Variants in UAP1 observed in about 807,000 individuals in gnomAD.
UAP1 encodes the protein UDP-N-acetylglucosamine pyrophosphorylase 1.
UAP1 carries 25 observed loss-of-function variants against 58.5 expected under a neutral mutation model. That is an observed-to-expected ratio of 0.43 (90% CI 0.31 to 0.60). UAP1 has a LOEUF of 0.60. UAP1 is among the 20% of genes least tolerant of loss of function. UAP1 has a pLI of 0.11. For synonymous variants in UAP1, 208 were observed against 213.0 expected (o/e 0.98, Z 0.21); for missense variants, 575 against 630.0 (o/e 0.91, Z 0.93).
At chr1:162,590,542 A>C in intron 8 of UAP1, 31 bp downstream of exon 8, 2 of 1,545,958 alleles carry the variant, frequency 1.3e-6, no homozygotes, top group East Asian at 2.3e-5. Context: ...TTTTGTATGA[A>C]TCCTTTCTTG....
chr1:162,563,341 T>C (rs548970685), intron 1 of UAP1, among the ~76,000 whole-genome samples: 1 of 152,286 alleles, frequency 6.6e-6, no homozygotes, highest in South Asian at 2.1e-4. Context: ...TATCAAAGTT[T>C]AACCTATGAG....
At chr1:162,575,628 C>T (rs540237626) in intron 2 of UAP1, among the ~76,000 whole-genome samples, 8 of 151,098 alleles carry the variant, frequency 5.3e-5, no homozygotes, top group South Asian at 4.2e-4. Context: ...GATGGAGTTT[C>T]GCCATGTTGG....
At chr1:162,567,375 A>G (rs955299963) in intron 2 of UAP1, among the ~76,000 whole-genome samples, 34 of 152,246 alleles carry the variant, frequency 2.2e-4, no homozygotes, top group African/African-American at 7.5e-4. Flanking sequence ...TTTTATAGTT[A>G]TAAGTTGATC....
intron 1 of UAP1, among the ~76,000 whole-genome samples, chr1:162,565,207 G>T (rs565172795): frequency 6.6e-6 from 1 of 152,218 alleles, no homozygotes; most frequent in East Asian, 1.9e-4. Flanking sequence ...GCCTGTTTGT[G>T]AACTTTCTAG....
chr1:162,599,426 G>C (rs1655809017), exon 11 of UAP1: 10 of 1,047,078 alleles, frequency 9.6e-6, no homozygotes, highest in Non-Finnish European at 1.5e-5. Context: ...GACCAACTGT[G>C]AACCTACAAG....
intron 9 of UAP1, among the ~76,000 whole-genome samples, chr1:162,596,530 G>A (rs1017010521): frequency 6.6e-6 from 1 of 152,188 alleles, no homozygotes; most frequent in Non-Finnish European, 1.5e-5. Flanking sequence ...AAATGCAGTG[G>A]TCAAGAGAAG....
intron 2 of UAP1, among the ~76,000 whole-genome samples, chr1:162,570,700 G>A (rs1438710300): frequency 6.6e-6 from 1 of 152,132 alleles, no homozygotes; most frequent in Non-Finnish European, 1.5e-5. Flanking sequence ...GGGAAATATT[G>A]TAGTTTCTTT....
chr1:162,586,236 A>C (rs1010119061), intron 5 of UAP1, among the ~76,000 whole-genome samples: 9 of 152,248 alleles, frequency 5.9e-5, no homozygotes, highest in African/African-American at 2.2e-4. Context: ...CTTAGGATAG[A>C]CTTGTCAAAT....
chr1:162,576,931 G>A (rs1309440447), exon 3 of UAP1: 3 of 1,614,176 alleles, frequency 1.9e-6, no homozygotes, highest in Non-Finnish European at 1.7e-6. Context: ...GTATCCTGAA[G>A]CTACAGCAGG....
intron 9 of UAP1, among the ~76,000 whole-genome samples, chr1:162,594,775 C>T (rs978223407): frequency 2.0e-5 from 3 of 152,198 alleles, no homozygotes; most frequent in Admixed American, 6.5e-5. Flanking sequence ...TATTCTTACT[C>T]TTTTGTTTAA....
At chr1:162,565,379 G>A (rs896991797) in intron 1 of UAP1, among the ~76,000 whole-genome samples, 2 of 152,156 alleles carry the variant, frequency 1.3e-5, no homozygotes, top group Non-Finnish European at 2.9e-5. Context: ...TGTTATATGT[G>A]TATTGCTTGT....
chr1:162,591,747 A>T (rs1655322316), intron 8 of UAP1, among the ~76,000 whole-genome samples: 1 of 151,264 alleles, frequency 6.6e-6, no homozygotes, highest in Non-Finnish European at 1.5e-5. Context: ...TGGCCTCCCA[A>T]AGTGCTGGGA....
chr1:162,568,966 G>T (rs1043292149), intron 2 of UAP1, among the ~76,000 whole-genome samples: 1 of 152,162 alleles, frequency 6.6e-6, no homozygotes, highest in Non-Finnish European at 1.5e-5. Flanking sequence ...CTAAAATCCG[G>T]AACTATTAGA....
chr1:162,579,361 A>G, intron 3 of UAP1, 67 bp from the exon 4 acceptor site: 1 of 1,180,778 alleles, frequency 8.5e-7, no homozygotes. Context: ...TAGGAAATAG[A>G]CGAAACTTTA....
chr1:162,566,630 A>AT (rs60264435), intron 2 of UAP1, among the ~76,000 whole-genome samples: 1,998 of 144,600 alleles, frequency 0.014, 10 homozygotes, highest in African/African-American at 0.016. Context: ...AGCTGGCTTA[A>AT]TTTTTTTTTT....
chr1:162,599,376 G>C, exon 11 of UAP1: 1 of 1,579,176 alleles, frequency 6.3e-7, no homozygotes, highest in Non-Finnish European at 8.7e-7. Context: ...CAGATACCAA[G>C]TTTTGTTTGC....
At chr1:162,566,162 G>C (rs1571050496) in exon 2 of UAP1, 7 of 1,614,042 alleles carry the variant, frequency 4.3e-6, no homozygotes, top group Non-Finnish European at 5.9e-6. Flanking sequence ...CCAACAGGTA[G>C]AACTTTATGC....
At chr1:162,595,520 G>GT (rs1655571171) in intron 9 of UAP1, among the ~76,000 whole-genome samples, 1 of 152,148 alleles carries the variant, frequency 6.6e-6, no homozygotes, top group South Asian at 2.1e-4. Flanking sequence ...AATCTGGCAT[G>GT]TATGTAGAGA....
chr1:162,563,803 A>G (rs1172290323), intron 1 of UAP1, among the ~76,000 whole-genome samples: 1 of 152,070 alleles, frequency 6.6e-6, no homozygotes, highest in Non-Finnish European at 1.5e-5. Context: ...TATCAGACAG[A>G]GCACTCTTTA....
Sources: gnomAD v4.1 joint callset for allele counts (sites outside exome capture counted in the v4.1 genomes callset) on GRCh38, gnomAD v4.1.1 for gene constraint, MANE v1.5 for transcripts, NCBI Gene and HGNC (gene_info 2026-07-23, HGNC 2026-07-21) for gene names.